The following SETX variants were observed in gnomAD, a reference collection of about 807,000 sequenced individuals.
The protein encoded by SETX is helicase senataxin.
Under a neutral mutation model 227.2 loss-of-function variants are expected in SETX, and 90 were observed. The ratio of observed to expected loss-of-function variants is 0.40; its 90% CI spans 0.33 to 0.47. The LOEUF (loss-of-function observed/expected upper bound fraction) is 0.47, where lower values mean the gene tolerates loss of function less well. Among genes scored for constraint, SETX ranks in the 20% least tolerant of loss-of-function variants. The probability of loss-of-function intolerance (pLI) is 0.91; values close to 1 mark genes in which losing one functional copy is unlikely to be tolerated. For synonymous variants in SETX, 1,210 were observed against 1,113.2 expected, an observed-to-expected ratio of 1.09 and a Z score of -1.73; for missense variants, 3,052 against 3,181.5, an observed-to-expected ratio of 0.96 and a Z score of 0.98.
Position 132,278,348 on chromosome 9 carries a change from T to A in SETX, c.6655-91A>T, listed in dbSNP as rs751398562. 5 of 1,280,476 alleles carry A rather than the reference T, an allele frequency of 3.9e-6. No individual in the cohort carries two copies. The African/African-American group carries it at 7.2e-5, about 18-fold the overall frequency. 79.3% of individuals were successfully genotyped at this position (1,280,476 alleles called of 1,614,324 possible). On this transcript the variant is annotated intron_variant, in intron 20 of 25. Coordinates refer to ENST00000224140, the MANE Select transcript of SETX (RefSeq NM_015046.7). ...CACAATTACTGAGATCTAATACGTA[T>A]ATGGCAACGTTCAGGTAGCATAAGA...
rs184440424 is a variant in SETX at position 132,282,322 on chromosome 9, G to C, written c.6547-748C>G. Among the ~76,000 whole-genome samples the C allele has an allele frequency of 2.0e-3, 299 of 147,906 alleles. 2 individuals are homozygous for C. Among genetic ancestry groups the C allele is most frequent in the African/African-American group, 7.1e-3 (285 of 39,890 alleles). ...TTATTTTTTTTTTTTTTGAGAGAGA[G>C]AGTCTCACTCTGTCACCCAGGCTGG... On this transcript the variant is annotated intron_variant, in intron 19 of 25. Transcript: ENST00000224140.
chr9:132,324,898 A>C (rs1223757437), intron 10 of SETX, among the ~76,000 whole-genome samples: 1 of 152,238 alleles, frequency 6.6e-6, no homozygotes, highest in African/African-American at 2.4e-5. Flanking sequence ...AAATCCTTCT[A>C]AACGCAGTTG....
intron 10 of SETX, among the ~76,000 whole-genome samples, chr9:132,322,079 A>G (rs1340177158): frequency 2.6e-5 from 4 of 152,316 alleles, no homozygotes; most frequent in Non-Finnish European, 5.9e-5. Flanking sequence ...CGCCCTTCAG[A>G]TCACGTTTGC....
At chr9:132,315,857 T>G (rs2131373258) in intron 10 of SETX, among the ~76,000 whole-genome samples, 1 of 152,324 alleles carries the variant, frequency 6.6e-6, no homozygotes, top group East Asian at 1.9e-4. Flanking sequence ...TCCACTTCCA[T>G]GACAACCTCC....
intron 15 of SETX, among the ~76,000 whole-genome samples, chr9:132,292,415 C>CAAAAAAAAAAAAA (rs60253119): frequency 9.8e-5 from 6 of 61,058 alleles, no homozygotes; most frequent in Non-Finnish European, 2.0e-4. Context: ...AGCTGGGGTA[C>CAAAAAAAAAAAAA]AAAAAAAAAA....
At chr9:132,286,307 G>C (rs1843885352) in intron 18 of SETX, 116 bp downstream of exon 18, 3 of 746,964 alleles carry the variant, frequency 4.0e-6, no homozygotes, top group Admixed American at 2.7e-5. Flanking sequence ...GAGACAGAGT[G>C]AGACTCTGTC....
chr9:132,301,252 A>G (rs549250470), intron 11 of SETX, among the ~76,000 whole-genome samples: 12 of 151,864 alleles, frequency 7.9e-5, no homozygotes, highest in African/African-American at 2.9e-4. Flanking sequence ...ACGCCCGGCT[A>G]ATTTTTTTGT....
At chr9:132,297,797 T>C (rs1186305925) in intron 13 of SETX, among the ~76,000 whole-genome samples, 1 of 152,202 alleles carries the variant, frequency 6.6e-6, no homozygotes, top group African/African-American at 2.4e-5. Context: ...TTAACACCAC[T>C]AAACCTGAGA....
At chr9:132,285,350 T>C (rs1279564867) in intron 18 of SETX, among the ~76,000 whole-genome samples, 1 of 152,220 alleles carries the variant, frequency 6.6e-6, no homozygotes, top group Non-Finnish European at 1.5e-5. Flanking sequence ...TGGTAAGAAT[T>C]CATTCTTAGG....
chr9:132,269,836 C>T (rs1842811597), intron 24 of SETX, 134 bp from the exon 25 acceptor site: 9 of 863,468 alleles, frequency 1.0e-5, no homozygotes, highest in Non-Finnish European at 1.5e-5. Context: ...TCAGTGAGCC[C>T]GAGACACAGG....
At position 132,328,858 on chromosome 9, in the gene SETX, T is replaced by C. The variant is rs1400764112; in HGVS notation, c.2740A>G (p.Lys914Glu). The C allele has an allele frequency of 6.2e-7, 1 of 1,613,900 alleles. No homozygotes were observed. Among genetic ancestry groups the C allele is most frequent in the East Asian group, 2.2e-5 (1 of 44,886 alleles). ...NASEKKSSPF[K>E]DLMTVPESRD... ...GATTCAGGTACAGTCATAAGATCTT[T>C]AAAGGGAGATGATTTCTTCTCTGAA... Residue 914 changes from lysine to glutamate, a missense_variant, in exon 10 of 26, where the codon AAA becomes GAA. Coordinates refer to ENST00000224140, the MANE Select transcript of SETX (RefSeq NM_015046.7).
intron 10 of SETX, among the ~76,000 whole-genome samples, chr9:132,325,295 G>A (rs1407318898): frequency 6.6e-6 from 1 of 152,078 alleles, no homozygotes; most frequent in Non-Finnish European, 1.5e-5. Flanking sequence ...GGCAGAGCTT[G>A]CAGTGAGCCG....
intron 11 of SETX, among the ~76,000 whole-genome samples, chr9:132,306,919 C>G (rs371934335): frequency 6.6e-6 from 1 of 152,186 alleles, no homozygotes; most frequent in Non-Finnish European, 1.5e-5. Context: ...TCAGAATTGT[C>G]ATATCTTCTG....
intron 10 of SETX, among the ~76,000 whole-genome samples, chr9:132,323,860 G>A (rs1202930980): frequency 2.6e-5 from 4 of 151,860 alleles, no homozygotes; most frequent in African/African-American, 9.7e-5. Flanking sequence ...CCATAATTGT[G>A]CCACTGTACT....
chr9:132,274,859 CTGAGG>C (rs1416683621), intron 23 of SETX: 1 of 180,854 alleles, frequency 5.5e-6, no homozygotes, highest in Non-Finnish European at 1.2e-5. Context: ...AATTTTACTG[CTGAGG>C]TAAGAAGGAA....
At chr9:132,297,116 G>T in intron 13 of SETX, 62 bp from the exon 14 acceptor site, 5 of 1,433,812 alleles carry the variant, frequency 3.5e-6, no homozygotes, top group Non-Finnish European at 4.8e-6. Context: ...TTGAAAGGAA[G>T]AACATGAAAA....
At chr9:132,298,626 A>G (rs1844813282) in intron 12 of SETX, among the ~76,000 whole-genome samples, 1 of 152,156 alleles carries the variant, frequency 6.6e-6, no homozygotes, top group Non-Finnish European at 1.5e-5. Context: ...TTCCTGATGA[A>G]ATATTTGAGC....
intron 10 of SETX, among the ~76,000 whole-genome samples, chr9:132,323,459 A>G (rs1206508297): frequency 6.6e-6 from 1 of 152,174 alleles, no homozygotes; most frequent in African/African-American, 2.4e-5. Flanking sequence ...GGATCTAAAA[A>G]TTTCAAGACA....
intron 10 of SETX, among the ~76,000 whole-genome samples, chr9:132,322,802 C>A: frequency 6.6e-6 from 1 of 151,090 alleles, no homozygotes; most frequent in Middle Eastern, 3.2e-3. Context: ...GAAACACGAA[C>A]CATGCAAAAA....
Sources: allele counts gnomAD v4.1 joint callset (sites outside exome capture counted in the v4.1 genomes callset), GRCh38; gene constraint gnomAD v4.1.1; transcripts MANE v1.5; gene names NCBI Gene and HGNC (gene_info 2026-07-23, HGNC 2026-07-21).